Variants in SCHIP1 observed in about 807,000 individuals in gnomAD.
SCHIP1 encodes the protein schwannomin interacting protein 1, also known as schwannomin-interacting protein 1.
SCHIP1 carries 8 observed loss-of-function variants against 29.7 expected under a neutral mutation model. The observed-to-expected ratio is 0.27, with a 90% CI of 0.16 to 0.49. The LOEUF (loss-of-function observed/expected upper bound fraction) is 0.49. Ranked by LOEUF, SCHIP1 falls within the 20% of genes least tolerant of loss-of-function variation. SCHIP1 has a pLI of 0.99. For synonymous variants in SCHIP1, 76 were observed against 94.9 expected, an observed-to-expected ratio of 0.80 and a Z score of 1.16; for missense variants, 193 against 294.6, an observed-to-expected ratio of 0.66 and a Z score of 2.52.
the SCHIP1 span, among the ~76,000 whole-genome samples, chr3:159,552,406 G>A: frequency 3.3e-5 from 5 of 151,924 alleles, no homozygotes; most frequent in South Asian, 4.2e-4. Context: ...TAACTACTCT[G>A]ACCTTCAGTT....
chr3:159,873,097 C>T (rs1293640736), intron 2 of SCHIP1, among the ~76,000 whole-genome samples: 4 of 152,162 alleles, frequency 2.6e-5, no homozygotes, highest in East Asian at 1.9e-4. Context: ...ACAATTTCAA[C>T]GTGAAATAGA....
the SCHIP1 span, among the ~76,000 whole-genome samples, chr3:159,604,333 G>A: frequency 1.3e-5 from 2 of 152,110 alleles, no homozygotes; most frequent in Non-Finnish European, 2.9e-5. Flanking sequence ...ATCTTCCCTT[G>A]AGTAAGTCTG....
At chr3:159,662,426 G>C in the SCHIP1 span, among the ~76,000 whole-genome samples, 1 of 152,156 alleles carries the variant, frequency 6.6e-6, no homozygotes, top group Non-Finnish European at 1.5e-5. Context: ...TAACAACATG[G>C]AGACAATTTA....
chr3:159,330,476 A>G, the SCHIP1 span, among the ~76,000 whole-genome samples: 47 of 152,206 alleles, frequency 3.1e-4, no homozygotes, highest in Non-Finnish European at 5.6e-4. Flanking sequence ...CAGTTGAGGT[A>G]TCCTAATAAA....
the SCHIP1 span, among the ~76,000 whole-genome samples, chr3:159,829,701 T>TG: frequency 9.6e-4 from 147 of 152,376 alleles, 3 homozygotes; most frequent in African/African-American, 3.4e-3. Flanking sequence ...AGCTCTGTAC[T>TG]GGCCTTTCTA....
chr3:159,416,002 T>C, the SCHIP1 span, among the ~76,000 whole-genome samples: 1 of 144,646 alleles, frequency 6.9e-6, no homozygotes, highest in African/African-American at 2.5e-5. Context: ...CTGATCAGAG[T>C]ATAATGGGAT....
At chr3:159,637,513 G>C in the SCHIP1 span, among the ~76,000 whole-genome samples, 1 of 151,884 alleles carries the variant, frequency 6.6e-6, no homozygotes, top group Non-Finnish European at 1.5e-5. Context: ...AAGTTTGTAA[G>C]GAAATAGAGA....
chr3:159,438,612 G>T, the SCHIP1 span, among the ~76,000 whole-genome samples: 1 of 152,090 alleles, frequency 6.6e-6, no homozygotes, highest in African/African-American at 2.4e-5. Flanking sequence ...GCATCCATTA[G>T]CTATTCTTCC....
At chr3:159,718,965 C>T in the SCHIP1 span, among the ~76,000 whole-genome samples, 2 of 152,162 alleles carry the variant, frequency 1.3e-5, no homozygotes, top group African/African-American at 4.8e-5. Flanking sequence ...AGGCATCACG[C>T]TACCTGACTT....
the SCHIP1 span, among the ~76,000 whole-genome samples, chr3:159,582,795 C>T: frequency 7.3e-5 from 11 of 150,358 alleles, no homozygotes; most frequent in African/African-American, 2.7e-4. Context: ...TATACACACA[C>T]ACACACACAC....
chr3:159,462,097 C>A, the SCHIP1 span, among the ~76,000 whole-genome samples: 1 of 152,004 alleles, frequency 6.6e-6, no homozygotes, highest in Non-Finnish European at 1.5e-5. Flanking sequence ...GTAATCCTAG[C>A]TACTTGGGAG....
At chr3:159,457,206 A>G in the SCHIP1 span, among the ~76,000 whole-genome samples, 2 of 152,200 alleles carry the variant, frequency 1.3e-5, no homozygotes, top group African/African-American at 2.4e-5. Flanking sequence ...CCTCATTTAA[A>G]AAGGAGATTT....
the SCHIP1 span, among the ~76,000 whole-genome samples, chr3:159,680,601 ATATAT>A: frequency 3.7e-3 from 363 of 97,688 alleles, 10 homozygotes; most frequent in Non-Finnish European, 4.8e-3. Flanking sequence ...TATGTATAAT[ATATAT>A]TATATATGTA....
the SCHIP1 span, among the ~76,000 whole-genome samples, chr3:159,741,930 G>T: frequency 6.6e-6 from 1 of 152,278 alleles, no homozygotes; most frequent in South Asian, 2.1e-4. Context: ...CTCAGAAAAA[G>T]AGTCAAAAAG....
At chr3:159,560,518 A>G in the SCHIP1 span, among the ~76,000 whole-genome samples, 1 of 152,158 alleles carries the variant, frequency 6.6e-6, no homozygotes, top group Non-Finnish European at 1.5e-5. Flanking sequence ...AATAGCTGGT[A>G]TCATTCTTCC....
At chr3:159,527,076 G>T in the SCHIP1 span, among the ~76,000 whole-genome samples, 2 of 152,128 alleles carry the variant, frequency 1.3e-5, no homozygotes, top group African/African-American at 4.8e-5. Context: ...GGAAAATGTG[G>T]TCACAACCAG....
chr3:159,410,909 G>A, the SCHIP1 span, among the ~76,000 whole-genome samples: 16 of 152,220 alleles, frequency 1.1e-4, no homozygotes, highest in African/African-American at 2.4e-4. Flanking sequence ...TAAAGAAAAT[G>A]TGGTACTTAT....
At chr3:159,569,613 G>C in the SCHIP1 span, among the ~76,000 whole-genome samples, 1 of 152,068 alleles carries the variant, frequency 6.6e-6, no homozygotes, top group Admixed American at 6.6e-5. Context: ...ATTGTGAATA[G>C]TACTGCAATA....
the SCHIP1 span, among the ~76,000 whole-genome samples, chr3:159,406,771 TATTA>T: frequency 6.6e-6 from 1 of 152,212 alleles, no homozygotes; most frequent in African/African-American, 2.4e-5. Flanking sequence ...GTAAATTTTT[TATTA>T]ATTTTCACTT....
Sources: gnomAD v4.1 joint callset for allele counts (sites outside exome capture counted in the v4.1 genomes callset) on GRCh38, gnomAD v4.1.1 for gene constraint, MANE v1.5 for transcripts, NCBI Gene and HGNC (gene_info 2026-07-23, HGNC 2026-07-21) for gene names.